The following PCDH11X variants were observed in gnomAD, a reference collection of about 807,000 sequenced individuals.
PCDH11X encodes the protein protocadherin-11 X-linked.
PCDH11X carries 18 observed loss-of-function variants against 53.3 expected under a neutral mutation model. The observed-to-expected ratio is 0.34, with a 90% CI of 0.23 to 0.50. The LOEUF (loss-of-function observed/expected upper bound fraction) is 0.50, where lower values mean the gene tolerates loss of function less well. PCDH11X is among the 20% of genes least tolerant of loss of function. The probability of loss-of-function intolerance (pLI) is 0.98; values close to 1 mark genes in which losing one functional copy is unlikely to be tolerated. For synonymous variants in PCDH11X, 279 were observed against 393.3 expected, an observed-to-expected ratio of 0.71 and a Z score of 3.44; for missense variants, 570 against 1,032.4, an observed-to-expected ratio of 0.55 and a Z score of 6.14.
At chrX:91,929,265 A>T (rs868345848) in intron 6 of PCDH11X, among the ~76,000 whole-genome samples, 1 of 110,839 alleles carries the variant, frequency 9.0e-6, no homozygotes, top group Non-Finnish European at 1.9e-5. Flanking sequence ...TGTTATAATT[A>T]ACATATTATA....
chrX:91,908,983 C>A (rs1229102054), intron 6 of PCDH11X, among the ~76,000 whole-genome samples: 2 of 110,705 alleles, frequency 1.8e-5, no homozygotes, highest in African/African-American at 6.6e-5. Flanking sequence ...CATTACTGGG[C>A]ATATACCCAA....
At chrX:92,503,420 G>T (rs1209902821) in intron 10 of PCDH11X, among the ~76,000 whole-genome samples, 1 of 108,098 alleles carries the variant, frequency 9.3e-6, no homozygotes, top group Non-Finnish European at 1.9e-5. Context: ...AAAGTTACAT[G>T]CATGCATATG....
intron 6 of PCDH11X, among the ~76,000 whole-genome samples, chrX:92,075,568 G>A: frequency 8.9e-6 from 1 of 111,985 alleles, no homozygotes; most frequent in Middle Eastern, 4.7e-3. Context: ...CTTTCATAAA[G>A]TGACTCAGAC....
chrX:92,492,818 G>A (rs1346024704), intron 10 of PCDH11X, among the ~76,000 whole-genome samples: 3 of 108,970 alleles, frequency 2.8e-5, no homozygotes, highest in Non-Finnish European at 5.7e-5. Flanking sequence ...TAGATAATTG[G>A]AACAAAATTT....
At chrX:92,395,360 C>T (rs978107276) in intron 9 of PCDH11X, among the ~76,000 whole-genome samples, 3 of 110,903 alleles carry the variant, frequency 2.7e-5, no homozygotes, top group Non-Finnish European at 5.7e-5. Flanking sequence ...ATTTTTATTG[C>T]GGTAATTCTT....
At chrX:91,954,824 A>G (rs2061688461) in intron 6 of PCDH11X, among the ~76,000 whole-genome samples, 1 of 109,590 alleles carries the variant, frequency 9.1e-6, no homozygotes, top group African/African-American at 3.4e-5. Context: ...TCTTTCTTGT[A>G]AATTTGTTTA....
chrX:91,948,284 A>C (rs1264625398), intron 6 of PCDH11X, among the ~76,000 whole-genome samples: 1 of 111,435 alleles, frequency 9.0e-6, no homozygotes, highest in Non-Finnish European at 1.9e-5. Context: ...CAATCAAAGC[A>C]AAAGAAAAAT....
At chrX:91,972,704 G>A (rs1254927855) in intron 6 of PCDH11X, among the ~76,000 whole-genome samples, 8 of 107,313 alleles carry the variant, frequency 7.5e-5, no homozygotes, top group African/African-American at 2.7e-4. Context: ...ATTAAATAGG[G>A]AATCCTTTCC....
At chrX:92,174,199 A>G (rs993203927) in intron 6 of PCDH11X, among the ~76,000 whole-genome samples, 1 of 107,945 alleles carries the variant, frequency 9.3e-6, no homozygotes, top group African/African-American at 3.4e-5. Context: ...AAGACTCTAG[A>G]CAGTATGATT....
At position 91,879,258 on chromosome X, in the gene PCDH11X, C is replaced by T. The variant is rs150373189; in HGVS notation, c.3018C>T (p.Ser1006=). ...YPVTTFEVPV[S]VHTRPPMKEV... is the part of the protein sequence containing the mutation. ...TGACGACCTTCGAGGTACCTGTGTC[C>T]GTACACACCAGACCGGTAGGTATCC... The change falls in exon 6 of 11, where the codon TCC becomes TCT. Residue 1006 remains serine (S), a synonymous_variant. Coordinates refer to ENST00000682573, the MANE Select transcript of PCDH11X (RefSeq NM_032968.5). The T allele has an allele frequency of 5.8e-6, 7 of 1,209,587 alleles. No homozygotes were observed. Among genetic ancestry groups the T allele is most frequent in the East Asian group, 3.0e-5 (1 of 33,769 alleles).
At chrX:91,856,950 C>T (rs1028603798) in intron 5 of PCDH11X, among the ~76,000 whole-genome samples, 5 of 111,584 alleles carry the variant, frequency 4.5e-5, no homozygotes, top group Admixed American at 1.9e-4. Flanking sequence ...AATGTATATT[C>T]CCTTGGGTAT....
chrX:91,956,308 G>A (rs1231521407), intron 6 of PCDH11X, among the ~76,000 whole-genome samples: 1 of 111,305 alleles, frequency 9.0e-6, no homozygotes. Context: ...ATGCTAGCTG[G>A]TTATTTTGTA....
At chrX:92,108,648 G>T (rs1462676501) in intron 6 of PCDH11X, among the ~76,000 whole-genome samples, 1 of 111,671 alleles carries the variant, frequency 9.0e-6, no homozygotes, top group Non-Finnish European at 1.9e-5. Flanking sequence ...AAGAATGTGG[G>T]AGGAAATACT....
intron 9 of PCDH11X, among the ~76,000 whole-genome samples, chrX:92,467,851 G>T (rs1313735087): frequency 9.0e-6 from 1 of 111,486 alleles, no homozygotes; most frequent in Non-Finnish European, 1.9e-5. Context: ...TTATATGTCA[G>T]AAGTTTGGAG....
intron 10 of PCDH11X, among the ~76,000 whole-genome samples, chrX:92,545,610 A>G (rs2148743332): frequency 9.1e-6 from 1 of 109,874 alleles, no homozygotes; most frequent in African/African-American, 3.3e-5. Context: ...CATGTTGGCC[A>G]GACTGGTCTT....
At chrX:92,141,196 G>A (rs2065173260) in intron 6 of PCDH11X, among the ~76,000 whole-genome samples, 1 of 111,294 alleles carries the variant, frequency 9.0e-6, no homozygotes, top group Admixed American at 9.7e-5. Flanking sequence ...TGATATCAAT[G>A]GCATGCAGGA....
chrX:92,212,998 A>G (rs2066620513), intron 7 of PCDH11X, among the ~76,000 whole-genome samples: 1 of 112,150 alleles, frequency 8.9e-6, no homozygotes, highest in Non-Finnish European at 1.9e-5. Flanking sequence ...TGAGGTAAGA[A>G]TTATTTCAAA....
chrX:92,146,969 A>G (rs1297107623), intron 6 of PCDH11X, among the ~76,000 whole-genome samples: 1 of 111,018 alleles, frequency 9.0e-6, no homozygotes, highest in Non-Finnish European at 1.9e-5. Flanking sequence ...ACTGCACTCA[A>G]GCCTGGGCAA....
At chrX:92,525,530 C>G (rs1290233584) in intron 10 of PCDH11X, among the ~76,000 whole-genome samples, 2 of 106,617 alleles carry the variant, frequency 1.9e-5, no homozygotes, top group East Asian at 6.0e-4. Context: ...ACATGGGTGG[C>G]TGAGGCAGGA....
Sources: gnomAD v4.1 joint callset for allele counts (sites outside exome capture counted in the v4.1 genomes callset) on GRCh38, gnomAD v4.1.1 for gene constraint, MANE v1.5 for transcripts, NCBI Gene and HGNC (gene_info 2026-07-23, HGNC 2026-07-21) for gene names.